The following INPP4B variants were observed in gnomAD, a reference collection of about 807,000 sequenced individuals.
INPP4B encodes inositol polyphosphate 4-phosphatase type II.
Under a neutral mutation model 122.5 loss-of-function variants are expected in INPP4B, and 55 were observed. That is an observed-to-expected ratio of 0.45 (90% CI 0.36 to 0.56). The LOEUF is 0.56. INPP4B is among the 20% of genes least tolerant of loss of function. INPP4B has a pLI of 0.00. For missense variants in INPP4B, 1,000 were observed against 1,097.7 expected (o/e 0.91, Z 1.26); for synonymous variants, 403 against 388.7 (o/e 1.04, Z -0.43).
At chr4:142,440,330 A>G (rs1405661586) in intron 3 of INPP4B, among the ~76,000 whole-genome samples, 1 of 152,232 alleles carries the variant, frequency 6.6e-6, no homozygotes, top group African/African-American at 2.4e-5. Flanking sequence ...TAAGGGCTCA[A>G]ATAAATCCAG....
intron 1 of INPP4B, among the ~76,000 whole-genome samples, chr4:142,820,662 G>A (rs1780690152): frequency 6.6e-6 from 1 of 152,010 alleles, no homozygotes; most frequent in Non-Finnish European, 1.5e-5. Flanking sequence ...CAAATATATT[G>A]TATACAAAGG....
At chr4:142,286,462 T>C (rs1196435536) in intron 9 of INPP4B, among the ~76,000 whole-genome samples, 1 of 152,234 alleles carries the variant, frequency 6.6e-6, no homozygotes, top group East Asian at 1.9e-4. Context: ...CCAGAGAGAT[T>C]GCTGTATATA....
chr4:142,092,537 C>T (rs180817925), intron 23 of INPP4B, among the ~76,000 whole-genome samples: 16 of 152,258 alleles, frequency 1.1e-4, no homozygotes, highest in South Asian at 6.2e-4. Flanking sequence ...GTGATCCACC[C>T]GCCTAGGCCT....
At chr4:142,142,645 A>T (rs544085196) in intron 18 of INPP4B, among the ~76,000 whole-genome samples, 1 of 152,232 alleles carries the variant, frequency 6.6e-6, no homozygotes, top group South Asian at 2.1e-4. Context: ...ATATGGGAGG[A>T]TGTCATCAGA....
At chr4:142,556,576 C>T (rs1222541508) in intron 2 of INPP4B, among the ~76,000 whole-genome samples, 3 of 151,938 alleles carry the variant, frequency 2.0e-5, no homozygotes, top group African/African-American at 7.3e-5. Context: ...CACCAATGAC[C>T]AAAATGGGGT....
chr4:142,468,489 C>T (rs1818227491), intron 2 of INPP4B, among the ~76,000 whole-genome samples: 1 of 152,130 alleles, frequency 6.6e-6, no homozygotes, highest in African/African-American at 2.4e-5. Context: ...AATTTGATCC[C>T]AAATGATGGA....
At chr4:142,687,991 C>T (rs1580709803) in intron 2 of INPP4B, among the ~76,000 whole-genome samples, 1 of 152,062 alleles carries the variant, frequency 6.6e-6, no homozygotes, top group East Asian at 1.9e-4. Flanking sequence ...TGTGTTTTTG[C>T]CTTGAAAGAA....
At chr4:142,716,686 G>C (rs1763816092) in intron 2 of INPP4B, among the ~76,000 whole-genome samples, 1 of 152,186 alleles carries the variant, frequency 6.6e-6, no homozygotes. Context: ...GAGGTCCCAA[G>C]TCTACATTAG....
intron 5 of INPP4B, chr4:142,423,715 A>T (rs1472939612): frequency 1.5e-5 from 6 of 410,332 alleles, no homozygotes; most frequent in Non-Finnish European, 2.8e-5. Context: ...ATGTATACTG[A>T]ATTGCATATC....
chr4:142,356,107 A>G (rs1783521362), intron 7 of INPP4B, among the ~76,000 whole-genome samples: 1 of 151,498 alleles, frequency 6.6e-6, no homozygotes, highest in South Asian at 2.1e-4. Context: ...AAAATGATAA[A>G]GTGCTGGACA....
At chr4:142,326,869 T>C (rs1008447600) in intron 7 of INPP4B, among the ~76,000 whole-genome samples, 2 of 152,200 alleles carry the variant, frequency 1.3e-5, no homozygotes, top group Non-Finnish European at 2.9e-5. Flanking sequence ...CTTTGCCCAT[T>C]TTACAGATGA....
At chr4:142,248,975 C>T (rs1464232715) in intron 11 of INPP4B, among the ~76,000 whole-genome samples, 2 of 151,670 alleles carry the variant, frequency 1.3e-5, no homozygotes, top group African/African-American at 4.8e-5. Flanking sequence ...ATGTTCCTTC[C>T]TCCTAAGTAG....
chr4:142,059,906 G>A (rs1187616150), intron 25 of INPP4B, among the ~76,000 whole-genome samples: 1 of 152,138 alleles, frequency 6.6e-6, no homozygotes, highest in African/African-American at 2.4e-5. Flanking sequence ...CTGGTATTCT[G>A]TTCCCTTTGA....
chr4:142,331,521 C>G (rs535554140), intron 7 of INPP4B, among the ~76,000 whole-genome samples: 4 of 152,296 alleles, frequency 2.6e-5, no homozygotes, highest in African/African-American at 9.6e-5. Context: ...ATCATCCCCC[C>G]TCTCACATGC....
intron 1 of INPP4B, among the ~76,000 whole-genome samples, chr4:142,728,979 G>A (rs1765703893): frequency 1.3e-5 from 2 of 152,024 alleles, no homozygotes; most frequent in African/African-American, 2.4e-5. Context: ...AATTTAATTG[G>A]TAGTCCTCAA....
intron 2 of INPP4B, among the ~76,000 whole-genome samples, chr4:142,718,901 A>G (rs1764146725): frequency 6.6e-6 from 1 of 152,212 alleles, no homozygotes; most frequent in Non-Finnish European, 1.5e-5. Flanking sequence ...CTTCAGTATG[A>G]AAGTACATAT....
At chr4:142,087,981 A>T (rs995121417) in intron 23 of INPP4B, among the ~76,000 whole-genome samples, 2 of 152,180 alleles carry the variant, frequency 1.3e-5, no homozygotes, top group Non-Finnish European at 2.9e-5. Flanking sequence ...AGTCATATAA[A>T]ATATATGCAT....
intron 1 of INPP4B, among the ~76,000 whole-genome samples, chr4:142,728,491 T>G (rs1046093523): frequency 6.6e-6 from 1 of 152,138 alleles, no homozygotes; most frequent in East Asian, 1.9e-4. Context: ...GCAATTAAGA[T>G]GTAAATTAAG....
chr4:142,424,315 G>T (rs557885760), intron 5 of INPP4B, among the ~76,000 whole-genome samples: 6 of 151,904 alleles, frequency 3.9e-5, no homozygotes, highest in Non-Finnish European at 8.8e-5. Context: ...TTAAAGGCAA[G>T]AAGTAGAATT....
Sources: gnomAD v4.1 joint callset for allele counts (sites outside exome capture counted in the v4.1 genomes callset) on GRCh38, gnomAD v4.1.1 for gene constraint, MANE v1.5 for transcripts, NCBI Gene and HGNC (gene_info 2026-07-23, HGNC 2026-07-21) for gene names.